PARD3B: variants seen among roughly 807,000 people sequenced by gnomAD.
PARD3B encodes par-3 family cell polarity regulator beta.
Under a neutral mutation model 130.2 loss-of-function variants are expected in PARD3B, and 103 were observed. The ratio of observed to expected loss-of-function variants is 0.79; its 90% CI spans 0.67 to 0.93. PARD3B has a LOEUF of 0.93. Among genes scored for constraint, PARD3B ranks in the 40% least tolerant of loss-of-function variants. PARD3B has a pLI of 0.00. For synonymous variants in PARD3B, 583 were observed against 553.2 expected (o/e 1.05, Z -0.76); for missense variants, 1,609 against 1,499.2 (o/e 1.07, Z -1.21).
At chr2:205,167,395 T>C (rs1464841627) in intron 11 of PARD3B, among the ~76,000 whole-genome samples, 1 of 152,146 alleles carries the variant, frequency 6.6e-6, no homozygotes, top group Non-Finnish European at 1.5e-5. Flanking sequence ...TGAGTATCTG[T>C]AGCTTTTATT....
chr2:205,307,433 C>A (rs2042224220), intron 18 of PARD3B, among the ~76,000 whole-genome samples: 1 of 152,078 alleles, frequency 6.6e-6, no homozygotes, highest in East Asian at 1.9e-4. Flanking sequence ...AGCTCAAGAG[C>A]CTACCAATTT....
At position 205,346,218 on chromosome 2, in the gene PARD3B, A is replaced by AATAC. The variant is rs1234908173; in HGVS notation, c.2630+44519_2630+44520insACAT. Among the ~76,000 whole-genome samples, 273 of 147,418 alleles carry AATAC rather than the reference A, an allele frequency of 1.9e-3. 2 individuals are homozygous for AATAC. Among genetic ancestry groups the AATAC allele is most frequent in the South Asian group, 3.8e-3 (18 of 4,700 alleles). On this transcript the variant is annotated intron_variant, in intron 18 of 22. Transcript: ENST00000406610. ...AAATAAATAAATAAATAAATAAATA[A>AATAC]ATTTCATATAAATGCAGATTCCTGG...
At chr2:204,793,931 A>C (rs1263865565) in intron 2 of PARD3B, among the ~76,000 whole-genome samples, 6 of 152,230 alleles carry the variant, frequency 3.9e-5, no homozygotes, top group Non-Finnish European at 7.3e-5. Flanking sequence ...GCATGTTTGC[A>C]AGTAGTATTA....
chr2:205,452,982 G>A (rs1397417046), intron 20 of PARD3B, among the ~76,000 whole-genome samples: 5 of 152,162 alleles, frequency 3.3e-5, no homozygotes, highest in Non-Finnish European at 7.3e-5. Flanking sequence ...TCAAACAAAT[G>A]ACCTGATCCT....
intron 21 of PARD3B, among the ~76,000 whole-genome samples, chr2:205,510,632 T>C (rs914989953): frequency 6.6e-5 from 10 of 152,214 alleles, no homozygotes; most frequent in African/African-American, 2.2e-4. Flanking sequence ...TTAATGAGCT[T>C]ATGCTAAAAT....
intron 4 of PARD3B, chr2:205,103,812 C>A: frequency 1.2e-6 from 1 of 858,322 alleles, no homozygotes; most frequent in Non-Finnish European, 1.4e-6. Context: ...GAGTACAGGG[C>A]CTCTCTGACC....
intron 1 of PARD3B, among the ~76,000 whole-genome samples, chr2:204,572,261 T>G (rs955327349): frequency 1.3e-5 from 2 of 152,168 alleles, no homozygotes; most frequent in African/African-American, 2.4e-5. Flanking sequence ...CACATCTAGT[T>G]TCTTTGGGAG....
chr2:205,590,051 G>T lies in PARD3B; in HGVS notation c.3261-25405G>T, dbSNP rs894256643. Among the ~76,000 whole-genome samples, 2 of 150,178 alleles carry T rather than the reference G, an allele frequency of 1.3e-5. No homozygotes were observed. The highest frequency in any genetic ancestry group is 2.5e-5 in the African/African-American group (1 of 39,534). ...CTCTTTCTAAGTATTTTATCCTCTAGTACTTACATTCATACCTATTGGTAT... is the reference window on the plus strand; with the variant it reads ...CTCTTTCTAAGTATTTTATCCTCTATTACTTACATTCATACCTATTGGTAT... On this transcript the variant is annotated intron_variant, in intron 22 of 22. Coordinates refer to ENST00000406610, the MANE Select transcript of PARD3B (RefSeq NM_001302769.2). The surrounding 1 kb of genome is among the most constrained non-coding windows in gnomAD (Gnocchi z 4.1).
At chr2:205,266,433 T>C (rs1267833998) in intron 16 of PARD3B, among the ~76,000 whole-genome samples, 1 of 152,196 alleles carries the variant, frequency 6.6e-6, no homozygotes, top group Non-Finnish European at 1.5e-5. Context: ...AGGTCAAAAA[T>C]ACAATTATTG....
intron 2 of PARD3B, among the ~76,000 whole-genome samples, chr2:204,700,221 A>G (rs1020963126): frequency 1.3e-4 from 20 of 152,094 alleles, no homozygotes; most frequent in African/African-American, 4.8e-4. Context: ...CTCTTTTTCC[A>G]AAACAAATAT....
At chr2:205,293,279 T>C (rs923201497) in intron 16 of PARD3B, among the ~76,000 whole-genome samples, 16 of 152,302 alleles carry the variant, frequency 1.1e-4, no homozygotes, top group African/African-American at 3.1e-4. Flanking sequence ...TATTATGCCT[T>C]ATTTTGAGAG....
intron 1 of PARD3B, among the ~76,000 whole-genome samples, chr2:204,556,634 A>G (rs1030237965): frequency 3.9e-5 from 6 of 152,192 alleles, no homozygotes; most frequent in Admixed American, 3.3e-4. Context: ...GAGTGGGTGC[A>G]CACACTAATT....
At chr2:205,302,792 A>G (rs1453791040) in intron 18 of PARD3B, among the ~76,000 whole-genome samples, 1 of 152,138 alleles carries the variant, frequency 6.6e-6, no homozygotes, top group Non-Finnish European at 1.5e-5. Context: ...GTCTGGATCC[A>G]TGACTCCCCA....
At chr2:205,411,669 T>C (rs551370359) in intron 19 of PARD3B, among the ~76,000 whole-genome samples, 49 of 152,160 alleles carry the variant, frequency 3.2e-4, no homozygotes, top group African/African-American at 9.7e-5. Context: ...AGTTGCTGAA[T>C]TGGATCCTGT....
chr2:204,657,758 A>G (rs1180728793), intron 1 of PARD3B, among the ~76,000 whole-genome samples: 1 of 152,154 alleles, frequency 6.6e-6, no homozygotes, highest in Non-Finnish European at 1.5e-5. Flanking sequence ...ATACTTCTTT[A>G]CTTAATTTTA....
intron 2 of PARD3B, among the ~76,000 whole-genome samples, chr2:204,931,821 T>A (rs1688056756): frequency 6.6e-6 from 1 of 152,068 alleles, no homozygotes; most frequent in East Asian, 1.9e-4. Flanking sequence ...ACCAGTCTAA[T>A]TGCTAAAGTT....
In PARD3B at chr2:205,078,298, C is replaced by T. The variant is rs1353507397; in HGVS notation, c.505-26128C>T. Among the ~76,000 whole-genome samples the T allele has an allele frequency of 6.6e-6, 1 of 152,118 alleles. No homozygotes were observed. The highest frequency in any genetic ancestry group is 1.5e-5 in the Non-Finnish European group (1 of 68,020). On this transcript the variant is annotated intron_variant, in intron 4 of 22. Coordinates refer to ENST00000406610, the MANE Select transcript of PARD3B (RefSeq NM_001302769.2). This position sits in a 1 kb window ranked among gnomAD's most constrained non-coding sequence, Gnocchi z 4.0. Reference sequence around the variant, plus strand: ...GTTCCTTTTATTAGATGTGACAGAGCAATTTAGTATTGTAGGTTCACTCAA... The same window carrying T: ...GTTCCTTTTATTAGATGTGACAGAGTAATTTAGTATTGTAGGTTCACTCAA...
intron 18 of PARD3B, among the ~76,000 whole-genome samples, chr2:205,304,353 T>C (rs4675508): frequency 0.6 from 90,795 of 151,670 alleles, 29,114 homozygotes; most frequent in South Asian, 0.75. Flanking sequence ...AACAAAATTT[T>C]GGCCAGGCAT....
At chr2:204,749,431 T>G (rs569643254) in intron 2 of PARD3B, among the ~76,000 whole-genome samples, 6 of 152,208 alleles carry the variant, frequency 3.9e-5, no homozygotes, top group Non-Finnish European at 7.3e-5. Flanking sequence ...ACAATATTAG[T>G]AACTCAAATA....
Sources: gnomAD v4.1 joint callset for allele counts (sites outside exome capture counted in the v4.1 genomes callset) on GRCh38, gnomAD v4.1.1 for gene constraint, Gnocchi (gnomAD v3.1) non-coding constraint, MANE v1.5 for transcripts, NCBI Gene and HGNC (gene_info 2026-07-23, HGNC 2026-07-21) for gene names.